The following SMOC1 variants were observed in gnomAD, a reference collection of about 807,000 sequenced individuals.
The protein encoded by SMOC1 is SPARC-related modular calcium-binding protein 1.
Under a neutral mutation model 56.3 loss-of-function variants are expected in SMOC1, and 22 were observed. That is an observed-to-expected ratio of 0.39 (90% CI 0.28 to 0.56). SMOC1 has a LOEUF of 0.56. Among genes scored for constraint, SMOC1 ranks in the 20% least tolerant of loss-of-function variants. SMOC1 has a pLI of 0.61. For synonymous variants in SMOC1, 193 were observed against 215.0 expected (o/e 0.90, Z 0.89); for missense variants, 509 against 565.4 (o/e 0.90, Z 1.01).
chr14:69,972,615 A>G (rs1883805399), intron 3 of SMOC1, among the ~76,000 whole-genome samples: 1 of 152,010 alleles, frequency 6.6e-6, no homozygotes, highest in Non-Finnish European at 1.5e-5. Context: ...GGGAGAAAGG[A>G]GCTGTGTTTG....
chr14:69,933,458 C>T (rs772913349), intron 1 of SMOC1, among the ~76,000 whole-genome samples: 1 of 152,062 alleles, frequency 6.6e-6, no homozygotes, highest in Non-Finnish European at 1.5e-5. Context: ...GTTCTTTATA[C>T]AGCTGTGTGT....
At chr14:69,928,854 C>T (rs1255177017) in intron 1 of SMOC1, among the ~76,000 whole-genome samples, 1 of 152,160 alleles carries the variant, frequency 6.6e-6, no homozygotes. Flanking sequence ...TATGTATGTT[C>T]TTATTTTCTA....
At chr14:69,927,815 C>A (rs950816119) in intron 1 of SMOC1, among the ~76,000 whole-genome samples, 1 of 152,168 alleles carries the variant, frequency 6.6e-6, no homozygotes, top group Non-Finnish European at 1.5e-5. Flanking sequence ...CTTGACTGCT[C>A]ACTTCTGAAC....
chr14:69,994,237 G>T (rs77836790), intron 6 of SMOC1, 163 bp from the exon 7 acceptor site: 2 of 744,992 alleles, frequency 2.7e-6, no homozygotes, highest in Admixed American at 1.8e-5. Context: ...AGAAGCTTCC[G>T]TTGTGAGGAA....
intron 1 of SMOC1, among the ~76,000 whole-genome samples, chr14:69,913,455 C>CAT (rs150218267): frequency 6.6e-6 from 1 of 150,788 alleles, no homozygotes; most frequent in Non-Finnish European, 1.5e-5. Context: ...AATGAATTGG[C>CAT]GTGTGTGTGT....
intron 1 of SMOC1, among the ~76,000 whole-genome samples, chr14:69,897,449 T>G (rs1349691311): frequency 6.6e-6 from 1 of 152,240 alleles, no homozygotes; most frequent in Admixed American, 6.5e-5. Flanking sequence ...TGTTTTCTAC[T>G]TATTGCTCTT....
intron 1 of SMOC1, among the ~76,000 whole-genome samples, chr14:69,904,614 G>C (rs1449963198): frequency 6.6e-6 from 1 of 152,218 alleles, no homozygotes; most frequent in Non-Finnish European, 1.5e-5. Flanking sequence ...GCCCAGGAGA[G>C]GTGAAGCATC....
chr14:69,906,717 G>C (rs986367137), intron 1 of SMOC1, among the ~76,000 whole-genome samples: 3 of 152,228 alleles, frequency 2.0e-5, no homozygotes, highest in Non-Finnish European at 4.4e-5. Flanking sequence ...AAGGCTTGAA[G>C]TGGTCAGGAC....
chr14:69,917,426 A>ACGTGTC (rs1884714270), intron 1 of SMOC1, among the ~76,000 whole-genome samples: 1 of 152,224 alleles, frequency 6.6e-6, no homozygotes, highest in Non-Finnish European at 1.5e-5. Context: ...ACGTGGACAG[A>ACGTGTC]CATGTGTAGC....
Position 70,011,564 on chromosome 14 carries a change from C to G in SMOC1, c.937C>G (p.Pro313Ala). 6.2e-7 allele frequency: 1 copy of G among 1,613,510 alleles called. No individual in the cohort carries two copies. The highest frequency in any genetic ancestry group is 8.5e-7 in the Non-Finnish European group (1 of 1,179,680). ...TGACCCCTTCAAGGACAGGGAGCTA[C>G]CAGGTGGGAGACGATGCTGCCCTGC... ...ADDPFKDREL[P>A]GCPEGKKMEF... The change falls in exon 9 of 12, where the codon CCA becomes GCA. Residue 313 changes from proline (P) to alanine (A), a missense_variant. By Grantham distance (27) the Pro-to-Ala change is conservative (BLOSUM62 -1). Coordinates refer to ENST00000361956, the MANE Select transcript of SMOC1 (RefSeq NM_001034852.3).
intron 7 of SMOC1, among the ~76,000 whole-genome samples, chr14:69,998,172 T>C (rs1884839421): frequency 6.6e-6 from 1 of 152,248 alleles, no homozygotes; most frequent in East Asian, 1.9e-4. Context: ...GTGTTCACTA[T>C]AGTCAGTGTC....
intron 1 of SMOC1, among the ~76,000 whole-genome samples, chr14:69,912,511 C>T (rs1884580023): frequency 6.6e-6 from 1 of 152,186 alleles, no homozygotes; most frequent in African/African-American, 2.4e-5. Flanking sequence ...GTTCAGCCTC[C>T]TAAAGTGCTG....
chr14:69,937,012 G>A (rs976830851), intron 1 of SMOC1, among the ~76,000 whole-genome samples: 5 of 152,092 alleles, frequency 3.3e-5, no homozygotes, highest in Middle Eastern at 3.4e-3. Context: ...GCATTTCCCC[G>A]GTCAATAAAA....
chr14:69,989,330 CTCT>C (rs930659020), intron 5 of SMOC1, among the ~76,000 whole-genome samples: 48 of 152,306 alleles, frequency 3.2e-4, no homozygotes, highest in Non-Finnish European at 2.4e-4. Flanking sequence ...CCATCTGTAT[CTCT>C]TCTTTGGTGA....
At chr14:69,915,699 A>G (rs565680541) in intron 1 of SMOC1, among the ~76,000 whole-genome samples, 12 of 152,314 alleles carry the variant, frequency 7.9e-5, no homozygotes, top group African/African-American at 2.9e-4. Flanking sequence ...CAAGCTGGCT[A>G]ATGTGCAGAT....
chr14:69,981,290 A>G (rs1240116780), intron 5 of SMOC1, among the ~76,000 whole-genome samples: 1 of 152,184 alleles, frequency 6.6e-6, no homozygotes, highest in Non-Finnish European at 1.5e-5. Flanking sequence ...AGGAGGGTCA[A>G]AACTTCAGAC....
intron 3 of SMOC1, 30 bp from the exon 4 acceptor site, chr14:69,975,685 G>GTTT: frequency 6.5e-7 from 1 of 1,532,356 alleles, no homozygotes; most frequent in South Asian, 1.1e-5. Flanking sequence ...GAGACTTATG[G>GTTT]TTTTCTTCCC....
chr14:69,951,223 G>T (rs959873290), intron 1 of SMOC1, among the ~76,000 whole-genome samples: 1 of 152,136 alleles, frequency 6.6e-6, no homozygotes, highest in Non-Finnish European at 1.5e-5. Flanking sequence ...GAGCTGCAAG[G>T]CTTCGTGTAA....
At chr14:69,963,993 C>G (rs937610561) in intron 3 of SMOC1, among the ~76,000 whole-genome samples, 1 of 152,198 alleles carries the variant, frequency 6.6e-6, no homozygotes, top group African/African-American at 2.4e-5. Flanking sequence ...GCTCAGAACA[C>G]TGTCTCCATT....
Sources: allele counts gnomAD v4.1 joint callset (sites outside exome capture counted in the v4.1 genomes callset), GRCh38; gene constraint gnomAD v4.1.1; transcripts MANE v1.5; gene names NCBI Gene and HGNC (gene_info 2026-07-23, HGNC 2026-07-21).